MRPL57: variants seen among roughly 807,000 people sequenced by gnomAD.
The protein encoded by MRPL57 is mitochondrial ribosomal protein L57.
Under a neutral mutation model 1.3 loss-of-function variants are expected in MRPL57, and 1 was observed. That is an observed-to-expected ratio of 0.79 (90% CI 0.28 to 3.75). The LOEUF (loss-of-function observed/expected upper bound fraction) is 3.75. MRPL57 is among the 30% of genes most tolerant of loss of function. The pLI, the probability that MRPL57 is intolerant of heterozygous loss-of-function variation, is 0.19. For missense variants in MRPL57, 170 were observed against 148.9 expected (o/e 1.14, Z -0.74); for synonymous variants, 79 against 61.7 (o/e 1.28, Z -1.31).
chr13:21,177,207 C>T lies in MRPL57; in HGVS notation c.291C>T (p.Val97=), dbSNP rs1288295889. The T allele has an allele frequency of 3.1e-6, 5 of 1,613,864 alleles. No individual in the cohort carries two copies. Among genetic ancestry groups the T allele is most frequent in the Non-Finnish European group, 3.4e-6 (4 of 1,180,050 alleles). The change falls in exon 2 of 2, where the codon GTC becomes GTT. Residue 97 remains valine, a synonymous_variant. Coordinates refer to ENST00000309594, the MANE Select transcript of MRPL57 (RefSeq NM_024026.5). ...FIADQLDHLN[V]TKKWS ...CGGACCAGCTCGACCATCTCAATGT[C>T]ACCAAGAAATGGTCCTAATCCTGAG...
Position 21,176,954 on chromosome 13 carries a change from C to G in MRPL57, c.38C>G (p.Pro13Arg). 6.2e-7 allele frequency: 1 copy of G among 1,611,520 alleles called. No individual in the cohort carries two copies. The highest frequency in any genetic ancestry group is 2.2e-5 in the East Asian group (1 of 44,842). ...LTALLWRGRI[P>R]GRQWIGKHRR... ...GCGCTCCTCTGGCGCGGCCGCATTCCCGGCCGTCAGTGGATCGGGAAGCAC... is the reference window on the plus strand; with the variant it reads ...GCGCTCCTCTGGCGCGGCCGCATTCGCGGCCGTCAGTGGATCGGGAAGCAC... Residue 13 changes from proline (P) to arginine (R), a missense_variant, in exon 2 of 2, where the codon CCC (proline) becomes CGC (arginine). Coordinates refer to ENST00000309594, the MANE Select transcript of MRPL57 (RefSeq NM_024026.5).
intron 1 of MRPL57, 77 bp from the exon 2 acceptor site, chr13:21,176,834 TG>T: frequency 4.1e-6 from 6 of 1,475,442 alleles, no homozygotes; most frequent in Non-Finnish European, 5.5e-6. Context: ...AGGCGTGAGC[TG>T]GAGCGCGCGC....
intron 1 of MRPL57, 55 bp downstream of exon 1, chr13:21,176,772 C>G: frequency 1.1e-6 from 1 of 880,998 alleles, no homozygotes; most frequent in Non-Finnish European, 1.7e-6. Context: ...GCCTGCTGGC[C>G]TTACCTGGGC....
In MRPL57 at chr13:21,177,129, C is replaced by G. The variant is rs375272165; in HGVS notation, c.213C>G (p.Phe71Leu). The stretch of plus-strand genomic sequence containing the variant: ...CCGCGGTGCGCAGGAGGGAGGCCTT[C>G]GAGGCCATAAAGGCGGCCGCCACTT... Reference protein sequence around the residue: ...GHAAVRRREAFEAIKAAATSK... With the variant: ...GHAAVRRREALEAIKAAATSK... Residue 71 changes from phenylalanine (F) to leucine (L), a missense_variant, in exon 2 of 2, where the codon TTC (phenylalanine) becomes TTG (leucine). Coordinates refer to ENST00000309594, the MANE Select transcript of MRPL57 (RefSeq NM_024026.5). 28 of 1,613,836 alleles carry G rather than the reference C, an allele frequency of 1.7e-5. No homozygotes were observed. Among genetic ancestry groups the G allele is most frequent in the African/African-American group, 2.7e-5 (2 of 74,942 alleles).
chr13:21,176,989 C>A lies in MRPL57; in HGVS notation c.73C>A (p.Arg25=), dbSNP rs760259136. The A allele has an allele frequency of 1.4e-5, 22 of 1,612,054 alleles. No homozygotes were observed. The highest frequency in any genetic ancestry group is 1.6e-5 in the Non-Finnish European group (19 of 1,179,934). Residue 25 remains arginine (R), a synonymous_variant, in exon 2 of 2, where the codon CGG becomes AGG. Transcript: ENST00000309594. ...GTGGATCGGGAAGCACCGGCGGCCG[C>A]GGTTCGTGTCGTTGCGCGCCAAGCA... ...RQWIGKHRRP[R]FVSLRAKQNM...
chr13:21,176,843 C>T (rs1671853277), intron 1 of MRPL57, 69 bp from the exon 2 acceptor site: 2 of 1,505,460 alleles, frequency 1.3e-6, no homozygotes, highest in Admixed American at 2.0e-5. Flanking sequence ...CTGGAGCGCG[C>T]GCCCGCTGCT....
Position 21,177,278 on chromosome 13 carries a change from C to T in MRPL57, c.*53C>T. On this transcript the variant is annotated 3_prime_UTR_variant, in exon 2 of 2. Transcript: ENST00000309594. ...GGATCACGGAGCTGACCATCTTTAC[C>T]TGGTCCTGGAACTGAAAAACTGTAG... 2 of 1,575,872 alleles carry T rather than the reference C, an allele frequency of 1.3e-6. No homozygotes were observed. Among genetic ancestry groups the T allele is most frequent in the Non-Finnish European group, 1.7e-6 (2 of 1,153,006 alleles).
rs1201837260 is a variant in MRPL57 at position 21,177,845 on chromosome 13, T to A, written c.*620T>A. 6.1e-6 allele frequency: 1 copy of A among 163,328 alleles called. No individual in the cohort carries two copies. Among genetic ancestry groups the A allele is most frequent in the Non-Finnish European group, 1.5e-5 (1 of 68,232 alleles). 10.1% of individuals were successfully genotyped at this position (163,328 alleles called of 1,614,324 possible). On this transcript the variant is annotated 3_prime_UTR_variant, in exon 2 of 2. Transcript: ENST00000309594. ...TTAGCTGGGTATGTTGGTGCAGGCT[T>A]GCAATCCCAGCTACTTGGGACGCTG... is the stretch of plus-strand genomic sequence containing the variant.
chr13:21,176,801 G>A, intron 1 of MRPL57, 84 bp downstream of exon 1: 1 of 1,139,622 alleles, frequency 8.8e-7, no homozygotes, highest in Non-Finnish European at 1.2e-6. Flanking sequence ...TCTCTGGAGG[G>A]GAGGCGGTGC....
At position 21,177,157 on chromosome 13, in the gene MRPL57, A is replaced by T. The variant is rs1406972228; in HGVS notation, c.241A>T (p.Lys81Ter). 6.2e-7 allele frequency: 1 copy of T among 1,614,152 alleles called. No homozygotes were observed. The highest frequency in any genetic ancestry group is 2.2e-5 in the East Asian group (1 of 44,874). Residue 81 changes from lysine (K) to a stop codon, truncating the protein, a stop_gained, in exon 2 of 2, where the codon AAG (lysine) becomes TAG (stop). Transcript: ENST00000309594. LOFTEE classifies it high-confidence loss of function. ...FEAIKAAATS[K>*]FPPHRFIADQ... The stretch of plus-strand genomic sequence containing the variant: ...GGCCATAAAGGCGGCCGCCACTTCC[A>T]AGTTCCCCCCGCATAGATTCATTGC...
Position 21,178,977 on chromosome 13 carries a change from CATATA to C in MRPL57, c.*1756_*1760del, listed in dbSNP as rs1234307131. 6.0e-6 allele frequency: 1 copy of C among 166,648 alleles called. No homozygotes were observed. The highest frequency in any genetic ancestry group is 2.4e-5 in the African/African-American group (1 of 41,318). 10.3% of individuals were successfully genotyped at this position (166,648 alleles called of 1,614,324 possible). On this transcript the variant is annotated 3_prime_UTR_variant, in exon 2 of 2. Transcript: ENST00000309594. ...GAGTGAGACACCATCTCAAAAAATA[CATATA>C]ATAATATAAATAAAAATATCTTTTT... is the stretch of plus-strand genomic sequence containing the variant.
In MRPL57 at chr13:21,177,505, T is replaced by C; in HGVS notation, c.*280T>C. The C allele has an allele frequency of 4.3e-6, 2 of 467,324 alleles. No individual in the cohort carries two copies. The highest frequency in any genetic ancestry group is 5.4e-5 in the South Asian group (2 of 36,812). 28.9% of individuals were successfully genotyped at this position (467,324 alleles called of 1,614,324 possible). On this transcript the variant is annotated 3_prime_UTR_variant, in exon 2 of 2. Coordinates refer to ENST00000309594, the MANE Select transcript of MRPL57 (RefSeq NM_024026.5). ...AAGGAAAGCTGCAATAAAGCCACAA[T>C]GATTTGAGGTCTTTGCTTAAGTATG...
rs759454563 is a variant in MRPL57, at chr13:21,176,908, G to T, written c.-5-4G>T. 6.2e-7 allele frequency: 1 copy of T among 1,602,842 alleles called. No individual in the cohort carries two copies. The highest frequency in any genetic ancestry group is 1.1e-5 in the South Asian group (1 of 90,958). ...TCCGCAAAGCCCGTCCCTCTCTTCC[G>T]CAGGCACCATGTTCCTGACTGCGCT... On this transcript the variant is annotated splice_polypyrimidine_tract_variant and splice_region_variant and intron_variant, in intron 1 of 1. Coordinates refer to ENST00000309594, the MANE Select transcript of MRPL57 (RefSeq NM_024026.5).
chr13:21,176,958 C>G lies in MRPL57; in HGVS notation c.42C>G (p.Gly14=). The change falls in exon 2 of 2, where the codon GGC becomes GGG. Residue 14 remains glycine (G), a synonymous_variant. Transcript: ENST00000309594. The part of the protein sequence containing the change: ...TALLWRGRIP[G]RQWIGKHRRP... ...TCCTCTGGCGCGGCCGCATTCCCGG[C>G]CGTCAGTGGATCGGGAAGCACCGGC... 3 of 1,611,736 alleles carry G rather than the reference C, an allele frequency of 1.9e-6. No individual in the cohort carries two copies. The highest frequency in any genetic ancestry group is 2.5e-6 in the Non-Finnish European group (3 of 1,179,818).
chr13:21,176,854 C>G (rs1028119725), intron 1 of MRPL57, 58 bp from the exon 2 acceptor site: 14 of 1,549,168 alleles, frequency 9.0e-6, no homozygotes, highest in Non-Finnish European at 8.7e-7. Context: ...GCCCGCTGCT[C>G]TCTCCAGGTC....
rs1871685769 is a variant in MRPL57 at position 21,178,130 on chromosome 13, C to T, written c.*905C>T. 6.1e-6 allele frequency: 1 copy of T among 164,932 alleles called. No individual in the cohort carries two copies. Among genetic ancestry groups the T allele is most frequent in the Non-Finnish European group, 1.5e-5 (1 of 68,118 alleles). 10.2% of individuals were successfully genotyped at this position (164,932 alleles called of 1,614,324 possible). A position where few individuals can be genotyped will look rare whatever the true frequency, so the allele number is the denominator to read the frequency against. On this transcript the variant is annotated 3_prime_UTR_variant, in exon 2 of 2. Coordinates refer to ENST00000309594, the MANE Select transcript of MRPL57 (RefSeq NM_024026.5). ...TCCAGCTTGGGCAACATAGCGAGAC[C>T]CTATCTAAAATAACAATAATATATG...
In MRPL57 at chr13:21,176,936, T is replaced by A. The variant is rs754351655; in HGVS notation, c.20T>A (p.Leu7His). 1 of 1,610,146 alleles carries A rather than the reference T, an allele frequency of 6.2e-7. No homozygotes were observed. The highest frequency in any genetic ancestry group is 1.1e-5 in the South Asian group (1 of 91,048). Reference sequence around the variant, plus strand: ...GGCACCATGTTCCTGACTGCGCTCCTCTGGCGCGGCCGCATTCCCGGCCGT... The same window carrying A: ...GGCACCATGTTCCTGACTGCGCTCCACTGGCGCGGCCGCATTCCCGGCCGT... MFLTALLWRGRIPGRQW... is the reference protein window; with the variant it reads MFLTALHWRGRIPGRQW... Residue 7 changes from leucine to histidine, a missense_variant, in exon 2 of 2, where the codon CTC becomes CAC. Leu to His is a moderately conservative substitution (Grantham distance 99, BLOSUM62 -3). Transcript: ENST00000309594.
At position 21,176,665 on chromosome 13, in the gene MRPL57, C is replaced by T. The variant is rs934937999; in HGVS notation, c.-58C>T. On this transcript the variant is annotated 5_prime_UTR_variant, in exon 1 of 2. Coordinates refer to ENST00000309594, the MANE Select transcript of MRPL57 (RefSeq NM_024026.5). ...ACCCCGCGAGACGGGTGCGCTTACG[C>T]CACGGCGTCTGCTGGCGGCCGCGGA... is the stretch of plus-strand genomic sequence containing the variant. 1.5e-6 allele frequency: 1 copy of T among 678,922 alleles called. No homozygotes were observed. Among genetic ancestry groups the T allele is most frequent in the East Asian group, 3.0e-5 (1 of 33,388 alleles). The allele number at this position is 678,922 out of a possible 1,614,324, so 42.1% of individuals were successfully genotyped here.
In MRPL57 at chr13:21,177,026, GC is replaced by G; in HGVS notation, c.112del (p.Arg38AlafsTer12). ...TTGCGCGCCAAGCAGAACATGATCC[GC>G]CGCCTGGAGATCGAGGCGGAGAACC... ...VSLRAKQNMI[R>X]RLEIEAENHY... On this transcript the variant is annotated frameshift_variant, in exon 2 of 2. Coordinates refer to ENST00000309594, the MANE Select transcript of MRPL57 (RefSeq NM_024026.5). LOFTEE classifies it low-confidence loss of function (END_TRUNC). 6.2e-7 allele frequency: 1 copy of G among 1,613,264 alleles called. No individual in the cohort carries two copies.
Sources: allele counts gnomAD v4.1 joint callset, GRCh38; gene constraint gnomAD v4.1.1; transcripts MANE v1.5; gene names NCBI Gene and HGNC (gene_info 2026-07-23, HGNC 2026-07-21).